ARMC5: variants seen among roughly 807,000 people sequenced by gnomAD.
ARMC5 encodes the protein armadillo repeat containing 5, also known as armadillo repeat-containing protein 5.
A neutral mutation model predicts 60.5 loss-of-function variants in ARMC5; 28 were observed. The ratio of observed to expected loss-of-function variants is 0.46; its 90% CI spans 0.34 to 0.63. ARMC5 has a LOEUF of 0.63. ARMC5 is among the 30% of genes least tolerant of loss of function. ARMC5 has a pLI of 0.01. For missense variants in ARMC5, 1,189 were observed against 1,304.9 expected (o/e 0.91, Z 1.37); for synonymous variants, 680 against 607.3 (o/e 1.12, Z -1.76).
chr16:31,460,807 A>G (rs984935066), intron 1 of ARMC5, among the ~76,000 whole-genome samples: 3 of 152,240 alleles, frequency 2.0e-5, no homozygotes, highest in Non-Finnish European at 4.4e-5. Flanking sequence ...AATTAAAACC[A>G]GCACAGTAAG....
intron 1 of ARMC5, among the ~76,000 whole-genome samples, chr16:31,460,870 T>G (rs940445920): frequency 2.6e-5 from 4 of 152,202 alleles, no homozygotes; most frequent in African/African-American, 9.6e-5. Context: ...AATTGGTGCC[T>G]CCTAGTGGCA....
At chr16:31,465,184 G>A in intron 4 of ARMC5, 1 of 1,598,658 alleles carries the variant, frequency 6.3e-7, no homozygotes. Context: ...CTCTGCCATT[G>A]GTTCAGCACT....
Position 31,462,238 on chromosome 16 carries a change from C to G in ARMC5, c.691C>G (p.Leu231Val). ...RNLADSPQHRLALAQQGAVRP... is the reference protein window; with the variant it reads ...RNLADSPQHRVALAQQGAVRP... Reference sequence around the variant, plus strand: ...CCTGGCAGACTCACCCCAGCACCGCCTGGCCTTGGCACAGCAGGGAGCAGT... The same window carrying G: ...CCTGGCAGACTCACCCCAGCACCGCGTGGCCTTGGCACAGCAGGGAGCAGT... Residue 231 changes from leucine to valine, a missense_variant, in exon 3 of 6, where the codon CTG (leucine) becomes GTG (valine). Physicochemically the swap from Leu to Val is conservative, Grantham distance 32 (BLOSUM62 1). Transcript: ENST00000268314. The surrounding 1 kb of genome is among the most constrained non-coding windows in gnomAD (Gnocchi z 7.2). The G allele has an allele frequency of 6.2e-7, 1 of 1,610,304 alleles. No homozygotes were observed. The highest frequency in any genetic ancestry group is 8.5e-7 in the Non-Finnish European group (1 of 1,180,000).
chr16:31,459,644 G>T lies in ARMC5; in HGVS notation c.120G>T (p.Leu40=), dbSNP rs760653287. The T allele has an allele frequency of 3.1e-6, 5 of 1,592,712 alleles. No homozygotes were observed. Among genetic ancestry groups the T allele is most frequent in the Non-Finnish European group, 3.4e-6 (4 of 1,176,936 alleles). The change falls in exon 1 of 6, where the codon CTG becomes CTT. Residue 40 remains leucine (L), a synonymous_variant. Transcript: ENST00000268314. The part of the protein sequence containing the change: ...EKDPATNETP[L]SRALLALRTR... ...ACCCAGCGACCAACGAGACACCCCT[G>T]AGCCGCGCGCTCCTAGCCCTCCGCA... is the stretch of plus-strand genomic sequence containing the variant.
At chr16:31,463,693 C>T (rs1942743250) in intron 3 of ARMC5, among the ~76,000 whole-genome samples, 1 of 152,098 alleles carries the variant, frequency 6.6e-6, no homozygotes, top group African/African-American at 2.4e-5. Context: ...CAGATGTGAG[C>T]CACCATGCCC....
At position 31,461,969 on chromosome 16, in the gene ARMC5, G is replaced by A. The variant is rs1392929606; in HGVS notation, c.523G>A (p.Ala175Thr). Reference sequence around the variant, plus strand: ...GACAGACAGCATCCAGAACCGAACGGCCCGTGCCCTGGGGAACTTAGCCAT... The same window carrying A: ...GACAGACAGCATCCAGAACCGAACGACCCGTGCCCTGGGGAACTTAGCCAT... ...MKTDSIQNRT[A>T]RALGNLAMEP... Residue 175 changes from alanine (A) to threonine (T), a missense_variant, in exon 2 of 6, where the codon GCC (alanine) becomes ACC (threonine). Ala to Thr is a moderately conservative substitution (Grantham distance 58). Transcript: ENST00000268314. The A allele has an allele frequency of 5.0e-6, 8 of 1,614,092 alleles. No individual in the cohort carries two copies. The Admixed American group carries it at 1.2e-4, about 24-fold the overall frequency.
intron 1 of ARMC5, among the ~76,000 whole-genome samples, chr16:31,461,710 G>T (rs1467536755): frequency 6.6e-6 from 1 of 152,174 alleles, no homozygotes; most frequent in Non-Finnish European, 1.5e-5. Context: ...GTTTGGCCCC[G>T]TTGGCCAGGC....
At chr16:31,460,595 G>C (rs978130685) in intron 1 of ARMC5, among the ~76,000 whole-genome samples, 1 of 152,254 alleles carries the variant, frequency 6.6e-6, no homozygotes, top group Non-Finnish European at 1.5e-5. Context: ...GCTGGGTGCA[G>C]TGGTACGCGC....
In ARMC5 at chr16:31,464,998, C is replaced by T. The variant is rs759844590; in HGVS notation, c.1864+111C>T. ...TCCCACTCACCTGTCCTCCCCAGCC[C>T]GTCCTCCAGACAACCTGTCACCAGA... On this transcript the variant is annotated intron_variant, in intron 4 of 5. Coordinates refer to ENST00000268314, the MANE Select transcript of ARMC5 (RefSeq NM_001105247.2). The surrounding 1 kb of genome is among the most constrained non-coding windows in gnomAD (Gnocchi z 7.6). The T allele has an allele frequency of 2.7e-5, 44 of 1,610,930 alleles. No homozygotes were observed. Among genetic ancestry groups the T allele is most frequent in the Admixed American group, 1.3e-4 (8 of 59,882 alleles).
Position 31,464,628 on chromosome 16 carries a change from C to T in ARMC5, c.1605C>T (p.Ala535=). ...TGCTGCTGTCGCGCTTTTCCCAGGCCCCTGACCCAAGTGGGGCACTTGTGA... is the reference window on the plus strand; with the variant it reads ...TGCTGCTGTCGCGCTTTTCCCAGGCTCCTGACCCAAGTGGGGCACTTGTGA... ...ALLLLSRFSQ[A]PDPSGALVTG... The change falls in exon 4 of 6, where the codon GCC becomes GCT. Residue 535 remains alanine, a synonymous_variant. Transcript: ENST00000268314. This position sits in a 1 kb window ranked among gnomAD's most constrained non-coding sequence, Gnocchi z 7.6. 2 of 1,597,802 alleles carry T rather than the reference C, an allele frequency of 1.3e-6. No homozygotes were observed. The highest frequency in any genetic ancestry group is 1.7e-6 in the Non-Finnish European group (2 of 1,178,308).
upstream of ARMC5, chr16:31,458,319 G>A: frequency 7.5e-7 from 1 of 1,328,568 alleles, no homozygotes; most frequent in Non-Finnish European, 1.0e-6. Context: ...TTAGCGGTGT[G>A]AGCGCGCTGG....
chr16:31,458,538 A>T, upstream of ARMC5: 1 of 1,530,864 alleles, frequency 6.5e-7, no homozygotes, highest in Non-Finnish European at 8.8e-7. Flanking sequence ...CTTGGTGGTG[A>T]ATGAAGCCGG....
rs780112907 is a variant in ARMC5, at chr16:31,459,691, G to A, written c.167G>A (p.Gly56Glu). ...CGCACGCGCCACATCAAGGCAGCGG[G>A]GGGAATCGAGCGCTTCCGGGCACGC... ...ALRTRHIKAA[G>E]GIERFRARGG... The change falls in exon 1 of 6, where the codon GGG becomes GAG. Residue 56 changes from glycine (G) to glutamate (E), a missense_variant. By Grantham distance (98) the Gly-to-Glu change is moderately conservative. Transcript: ENST00000268314. 1.9e-6 allele frequency: 3 copies of A among 1,571,390 alleles called. No homozygotes were observed. The highest frequency in any genetic ancestry group is 1.1e-5 in the South Asian group (1 of 88,194).
chr16:31,458,777 C>A, upstream of ARMC5: 3 of 1,509,536 alleles, frequency 2.0e-6, no homozygotes, highest in Non-Finnish European at 1.8e-6. Context: ...CCCCGCCGCC[C>A]CGCCCCGTCC....
rs2082281123 is a variant in ARMC5 at position 31,459,601 on chromosome 16, C to G, written c.77C>G (p.Ala26Gly). 1 of 1,601,078 alleles carries G rather than the reference C, an allele frequency of 6.2e-7. No individual in the cohort carries two copies. Among genetic ancestry groups the G allele is most frequent in the East Asian group, 2.2e-5 (1 of 44,834 alleles). ...LAQLAAAAGE[A>G]LGGEKDPATN... ...CAGCTCGCGGCGGCGGCCGGGGAGGCTCTGGGTGGGGAAAAGGACCCAGCG... is the reference window on the plus strand; with the variant it reads ...CAGCTCGCGGCGGCGGCCGGGGAGGGTCTGGGTGGGGAAAAGGACCCAGCG... Residue 26 changes from alanine (A) to glycine (G), a missense_variant, in exon 1 of 6, where the codon GCT (alanine) becomes GGT (glycine). This residue lies in a region of ARMC5 where 327 missense variants were observed against 233.7 expected (regional missense o/e 1.40). Coordinates refer to ENST00000268314, the MANE Select transcript of ARMC5 (RefSeq NM_001105247.2).
In ARMC5 at chr16:31,462,846, A is replaced by T. The variant is rs1243395864; in HGVS notation, c.1299A>T (p.Glu433Asp). 1.2e-6 allele frequency: 2 copies of T among 1,613,850 alleles called. No homozygotes were observed. The highest frequency in any genetic ancestry group is 2.7e-5 in the African/African-American group (2 of 74,882). ...GTGAGGAGGAAGAAGAGGGAAGAGA[A>T]GCTGCTTCCTGGGACTTTCCTGAGG... The part of the protein sequence containing the change: ...EAGEEEEEGR[E>D]AASWDFPEER... The change falls in exon 3 of 6, where the codon GAA becomes GAT. Residue 433 changes from glutamate to aspartate, a missense_variant. Physicochemically the swap from Glu to Asp is conservative, Grantham distance 45. Transcript: ENST00000268314. This position sits in a 1 kb window ranked among gnomAD's most constrained non-coding sequence, Gnocchi z 7.2.
Position 31,464,319 on chromosome 16 carries a change from CGCCT to C in ARMC5, c.1371-74_1371-71del. 4 of 854,410 alleles carry C rather than the reference CGCCT, an allele frequency of 4.7e-6. No individual in the cohort carries two copies. Among genetic ancestry groups the C allele is most frequent in the Non-Finnish European group, 4.9e-6 (3 of 608,414 alleles). 52.9% of individuals were successfully genotyped at this position (854,410 alleles called of 1,614,324 possible). On this transcript the variant is annotated intron_variant, in intron 3 of 5. Coordinates refer to ENST00000268314, the MANE Select transcript of ARMC5 (RefSeq NM_001105247.2). This position sits in a 1 kb window ranked among gnomAD's most constrained non-coding sequence, Gnocchi z 7.6. ...AAAAAAAAAAAAAAAAAAAAAAAGA[CGCCT>C]CACGCCTCTTGGACTCTGCCCCTTA... is the stretch of plus-strand genomic sequence containing the variant.
At chr16:31,459,226 C>T (rs2082274941), upstream of ARMC5, 1 of 1,532,226 alleles carries the variant, frequency 6.5e-7, no homozygotes, top group Non-Finnish European at 8.7e-7. Context: ...CCCTGGCCCA[C>T]CTGGAGGGCC....
upstream of ARMC5, chr16:31,459,363 A>G (rs2082277129): frequency 1.3e-6 from 2 of 1,536,102 alleles, no homozygotes; most frequent in Admixed American, 2.0e-5. Flanking sequence ...CTCGTGTGCA[A>G]GGACAGACTT....
Sources: gnomAD v4.1 joint callset for allele counts (sites outside exome capture counted in the v4.1 genomes callset) on GRCh38, gnomAD v4.1.1 for gene constraint, gnomAD v4.1.1 regional missense constraint, Gnocchi (gnomAD v3.1) non-coding constraint, MANE v1.5 for transcripts, NCBI Gene and HGNC (gene_info 2026-07-23, HGNC 2026-07-21) for gene names.